Variants in DLG2 observed in about 807,000 individuals in gnomAD.
DLG2 encodes disks large homolog 2.
DLG2 carries 45 observed loss-of-function variants against 132.5 expected under a neutral mutation model. The observed-to-expected ratio is 0.34, with a 90% confidence interval of 0.27 to 0.44. DLG2 has a LOEUF of 0.44. DLG2 is among the 20% of genes least tolerant of loss of function. The pLI is 1.00. For synonymous variants in DLG2, 424 were observed against 419.6 expected, an observed-to-expected ratio of 1.01 and a Z score of -0.13; for missense variants, 1,045 against 1,196.9, an observed-to-expected ratio of 0.87 and a Z score of 1.87.
At chr11:85,503,466 G>A (rs779446664) in intron 3 of DLG2, among the ~76,000 whole-genome samples, 37 of 152,114 alleles carry the variant, frequency 2.4e-4, no homozygotes, top group Non-Finnish European at 5.0e-4. Context: ...GGGTGCTATG[G>A]TTTGAATGTT....
At chr11:85,310,875 T>C (rs560187694) in intron 3 of DLG2, among the ~76,000 whole-genome samples, 6 of 152,326 alleles carry the variant, frequency 3.9e-5, no homozygotes, top group African/African-American at 1.2e-4. Flanking sequence ...CCCACTCATA[T>C]ATGTATGCTC....
At chr11:84,751,121 T>C (rs1262700698) in intron 6 of DLG2, among the ~76,000 whole-genome samples, 4 of 152,162 alleles carry the variant, frequency 2.6e-5, no homozygotes, top group Non-Finnish European at 5.9e-5. Context: ...GGCAAATACA[T>C]GTTCGACTCT....
intron 7 of DLG2, among the ~76,000 whole-genome samples, chr11:84,361,353 C>G (rs1188153988): frequency 6.6e-6 from 1 of 151,938 alleles, no homozygotes; most frequent in African/African-American, 2.4e-5. Context: ...AAAAAGCTTA[C>G]TTTCCATAAA....
At chr11:84,861,672 A>T (rs1261239686) in intron 6 of DLG2, among the ~76,000 whole-genome samples, 5 of 147,268 alleles carry the variant, frequency 3.4e-5, no homozygotes, top group African/African-American at 4.9e-5. Context: ...GGAACAGGCA[A>T]CCTACAGAAT....
At chr11:84,650,167 T>G (rs1298949586) in intron 6 of DLG2, among the ~76,000 whole-genome samples, 1 of 152,186 alleles carries the variant, frequency 6.6e-6, no homozygotes, top group Non-Finnish European at 1.5e-5. Flanking sequence ...CTATTTTAAC[T>G]TTTTCCTCTG....
At chr11:85,233,337 T>C (rs2075400913) in intron 4 of DLG2, among the ~76,000 whole-genome samples, 1 of 151,950 alleles carries the variant, frequency 6.6e-6, no homozygotes, top group Non-Finnish European at 1.5e-5. Flanking sequence ...TTGTAAAACA[T>C]CCTGTCCCAG....
intron 6 of DLG2, among the ~76,000 whole-genome samples, chr11:84,627,979 T>A (rs1270486036): frequency 6.6e-6 from 1 of 152,060 alleles, no homozygotes; most frequent in Non-Finnish European, 1.5e-5. Flanking sequence ...CAATTCAACA[T>A]GAGTTTTGTC....
chr11:83,494,729 CTA>C (rs76242861), intron 21 of DLG2, among the ~76,000 whole-genome samples: 42,355 of 151,598 alleles, frequency 0.28, 6,146 homozygotes, highest in East Asian at 0.35. Context: ...CTACCAGTGC[CTA>C]TGTTTGAAAA....
chr11:85,550,280 A>G (rs545815941), intron 3 of DLG2, among the ~76,000 whole-genome samples: 1 of 152,370 alleles, frequency 6.6e-6, no homozygotes, highest in African/African-American at 2.4e-5. Context: ...TGAGCTGTTA[A>G]CACCTAAGCC....
At chr11:83,885,608 A>G (rs2067625441) in intron 15 of DLG2, among the ~76,000 whole-genome samples, 1 of 152,150 alleles carries the variant, frequency 6.6e-6, no homozygotes, top group African/African-American at 2.4e-5. Flanking sequence ...CGCCACAAAG[A>G]TACTCCTTGA....
At chr11:84,989,010 A>G (rs1404246336) in intron 6 of DLG2, among the ~76,000 whole-genome samples, 1 of 152,188 alleles carries the variant, frequency 6.6e-6, no homozygotes, top group African/African-American at 2.4e-5. Context: ...AGGTCAGAGG[A>G]TACAAGATAA....
intron 9 of DLG2, among the ~76,000 whole-genome samples, chr11:84,125,474 C>G (rs2094131848): frequency 6.6e-6 from 1 of 152,130 alleles, no homozygotes; most frequent in South Asian, 2.1e-4. Flanking sequence ...GATAAACAAC[C>G]TAAGCCACTA....
At chr11:84,246,279 C>T (rs972818081) in intron 8 of DLG2, among the ~76,000 whole-genome samples, 6 of 152,228 alleles carry the variant, frequency 3.9e-5, no homozygotes, top group Non-Finnish European at 8.8e-5. Context: ...AAATCTCTCA[C>T]TGTCCCACTC....
intron 25 of DLG2, among the ~76,000 whole-genome samples, chr11:83,467,113 A>G (rs986740840): frequency 3.3e-5 from 5 of 152,300 alleles, no homozygotes; most frequent in Admixed American, 6.5e-5. Flanking sequence ...ATGCAGCCGT[A>G]TGTTATGTGA....
chr11:85,396,527 T>C (rs1452203029), intron 3 of DLG2, among the ~76,000 whole-genome samples: 2 of 151,900 alleles, frequency 1.3e-5, no homozygotes, highest in Non-Finnish European at 2.9e-5. Flanking sequence ...CTAAAAACCT[T>C]GAAAAAAGGT....
At chr11:84,917,964 C>T (rs958856721) in intron 6 of DLG2, among the ~76,000 whole-genome samples, 3 of 152,086 alleles carry the variant, frequency 2.0e-5, no homozygotes, top group East Asian at 1.9e-4. Flanking sequence ...AGGTGTTACT[C>T]GAACGGTCCA....
rs560162298 is a variant in DLG2 at position 84,496,644 on chromosome 11, A to T, written c.519+37926T>A. ...AAAGTAAAAGACTTTTTATTGAAAA[A>T]TGTCCAAAGCCCATCCAGGGGAAAA... On this transcript the variant is annotated intron_variant, in intron 7 of 27. Transcript: ENST00000376104. Among the ~76,000 whole-genome samples the T allele has an allele frequency of 2.0e-5, 3 of 152,298 alleles. No homozygotes were observed. In the South Asian group the frequency reaches 6.2e-4, roughly 32 times the overall value.
At chr11:83,950,813 A>C (rs2085226834) in intron 14 of DLG2, among the ~76,000 whole-genome samples, 1 of 152,084 alleles carries the variant, frequency 6.6e-6, no homozygotes, top group Non-Finnish European at 1.5e-5. Context: ...TTCCTGACTC[A>C]TCAGTCTGGA....
chr11:84,959,475 CTT>C (rs1294550483), intron 6 of DLG2, among the ~76,000 whole-genome samples: 1 of 152,144 alleles, frequency 6.6e-6, no homozygotes, highest in Non-Finnish European at 1.5e-5. Context: ...AGTATTTACA[CTT>C]GTTTGTAATT....
Sources: allele counts gnomAD v4.1 joint callset (sites outside exome capture counted in the v4.1 genomes callset), GRCh38; gene constraint gnomAD v4.1.1; transcripts MANE v1.5; gene names NCBI Gene and HGNC (gene_info 2026-07-23, HGNC 2026-07-21).